NRXN3: variants seen among roughly 807,000 people sequenced by gnomAD.
NRXN3 encodes the protein neurexin 3, also known as neurexin III.
Under a neutral mutation model 137.6 loss-of-function variants are expected in NRXN3, and 32 were observed. The ratio of observed to expected loss-of-function variants is 0.23; its 90% confidence interval spans 0.18 to 0.31. The LOEUF (loss-of-function observed/expected upper bound fraction) is 0.31, where lower values mean the gene tolerates loss of function less well. Ranked by LOEUF, NRXN3 falls within the 10% of genes least tolerant of loss-of-function variation. The pLI is 1.00. For missense variants in NRXN3, 1,574 were observed against 2,062.5 expected (o/e 0.76, Z 4.59); for synonymous variants, 798 against 784.5 (o/e 1.02, Z -0.29).
At chr14:78,207,843 C>T (rs2062361574) in intron 1 of NRXN3, among the ~76,000 whole-genome samples, 1 of 152,166 alleles carries the variant, frequency 6.6e-6, no homozygotes, top group Non-Finnish European at 1.5e-5. Context: ...GTCTTCCTAC[C>T]ACCCATTCTT....
intron 4 of NRXN3, among the ~76,000 whole-genome samples, chr14:78,406,750 C>A (rs1477342180): frequency 6.6e-6 from 1 of 152,128 alleles, no homozygotes; most frequent in Non-Finnish European, 1.5e-5. Flanking sequence ...CCAAAACTAC[C>A]TTGCTGCATG....
intron 15 of NRXN3, among the ~76,000 whole-genome samples, chr14:79,092,314 T>C (rs1476978812): frequency 6.6e-6 from 1 of 152,202 alleles, no homozygotes; most frequent in Non-Finnish European, 1.5e-5. Flanking sequence ...ACATGATTAA[T>C]ACATGCTATT....
Position 79,643,229 on chromosome 14 carries a change from T to A in NRXN3, c.3445-20549T>A, listed in dbSNP as rs571778560. Among the ~76,000 whole-genome samples, 53 of 136,056 alleles carry A rather than the reference T, an allele frequency of 3.9e-4. 4 individuals carry two copies. Among genetic ancestry groups the A allele is most frequent in the African/African-American group, 1.2e-3 (50 of 40,904 alleles). The allele number at this position is 136,056 out of a possible 152,430, so 89.3% of individuals were successfully genotyped here. A position where few individuals can be genotyped will look rare whatever the true frequency, so the allele number is the denominator to read the frequency against. On this transcript the variant is annotated intron_variant, in intron 16 of 20. Coordinates refer to ENST00000335750, the MANE Select transcript of NRXN3 (RefSeq NM_001330195.2). ...CTAAAAATTATCCAATAGTGTTTTTTAAAATATATATCAAATTATGCTATC... is the reference window on the plus strand; with the variant it reads ...CTAAAAATTATCCAATAGTGTTTTTAAAAATATATATCAAATTATGCTATC...
chr14:78,423,779 G>A (rs2093553295), intron 4 of NRXN3, among the ~76,000 whole-genome samples: 1 of 152,200 alleles, frequency 6.6e-6, no homozygotes, highest in Admixed American at 6.5e-5. Flanking sequence ...CATTTATTAA[G>A]TGTCCTTTAA....
At chr14:78,912,064 TC>T (rs1320695348) in intron 10 of NRXN3, among the ~76,000 whole-genome samples, 2 of 151,426 alleles carry the variant, frequency 1.3e-5, no homozygotes, top group Non-Finnish European at 2.9e-5. Context: ...ATGCTATCCC[TC>T]CCCCTGCCCC....
At chr14:79,084,139 C>T (rs1466341957) in intron 15 of NRXN3, among the ~76,000 whole-genome samples, 1 of 151,908 alleles carries the variant, frequency 6.6e-6, no homozygotes, top group Admixed American at 6.6e-5. Context: ...GTCTCAAACT[C>T]CTGGCCTTAA....
chr14:79,262,842 A>G (rs2077842987), intron 15 of NRXN3, among the ~76,000 whole-genome samples: 1 of 152,152 alleles, frequency 6.6e-6, no homozygotes, highest in Non-Finnish European at 1.5e-5. Context: ...GGATAGCAAC[A>G]CTGATAGGTA....
At chr14:79,140,506 A>G (rs1036765499) in intron 15 of NRXN3, among the ~76,000 whole-genome samples, 3 of 151,980 alleles carry the variant, frequency 2.0e-5, no homozygotes, top group Admixed American at 6.6e-5. Flanking sequence ...TCCTGAGTAT[A>G]AGTGGATAAT....
At chr14:78,664,000 T>C (rs770503356) in intron 6 of NRXN3, among the ~76,000 whole-genome samples, 4 of 152,254 alleles carry the variant, frequency 2.6e-5, no homozygotes, top group Non-Finnish European at 5.9e-5. Flanking sequence ...TTGTGTTCTG[T>C]TCCTCATGTG....
intron 16 of NRXN3, among the ~76,000 whole-genome samples, chr14:79,583,685 TA>T (rs1287883406): frequency 6.6e-6 from 1 of 152,134 alleles, no homozygotes; most frequent in East Asian, 1.9e-4. Context: ...CTAAAATTAT[TA>T]AAAACTGTTT....
chr14:79,507,879 A>T (rs111286065), intron 16 of NRXN3, among the ~76,000 whole-genome samples: 2 of 151,942 alleles, frequency 1.3e-5, no homozygotes, highest in Non-Finnish European at 2.9e-5. Flanking sequence ...ACCTCTTTTG[A>T]CTCTTTGCAA....
intron 14 of NRXN3, among the ~76,000 whole-genome samples, chr14:78,970,309 T>C (rs1337168051): frequency 1.3e-5 from 2 of 152,238 alleles, no homozygotes; most frequent in Non-Finnish European, 2.9e-5. Context: ...AGGTCAAATT[T>C]ATTTTAATTT....
chr14:78,666,794 T>G (rs2097890652), intron 6 of NRXN3, among the ~76,000 whole-genome samples: 1 of 152,126 alleles, frequency 6.6e-6, no homozygotes. Flanking sequence ...CATGCTGCAT[T>G]CTGCCCCGTT....
chr14:78,641,510 G>A (rs1402160688), intron 4 of NRXN3, among the ~76,000 whole-genome samples: 1 of 152,134 alleles, frequency 6.6e-6, no homozygotes, highest in Non-Finnish European at 1.5e-5. Context: ...CATTGCTAGT[G>A]CCTCTTACCC....
chr14:79,336,921 C>T (rs547691646), intron 15 of NRXN3, among the ~76,000 whole-genome samples: 2 of 152,276 alleles, frequency 1.3e-5, no homozygotes, highest in African/African-American at 4.8e-5. Flanking sequence ...TATAAATGTT[C>T]ACATAACACT....
chr14:79,292,981 G>C (rs1566697319), intron 15 of NRXN3, among the ~76,000 whole-genome samples: 1 of 152,126 alleles, frequency 6.6e-6, no homozygotes, highest in Non-Finnish European at 1.5e-5. Flanking sequence ...CTCAGGAGAG[G>C]ATAGCTTTTA....
chr14:79,467,153 A>G, intron 15 of NRXN3, 68 bp from the exon 16 acceptor site: 10 of 1,476,838 alleles, frequency 6.8e-6, no homozygotes, highest in Non-Finnish European at 9.3e-6. Flanking sequence ...TAGGGTCTCA[A>G]CAGTGTGCTA....
chr14:78,283,495 A>G (rs2074707469), intron 3 of NRXN3: 1 of 151,462 alleles, frequency 6.6e-6, no homozygotes, highest in African/African-American at 2.4e-5. Flanking sequence ...TCCTTTATGC[A>G]TTGTCTCTGG....
At chr14:78,403,304 G>A (rs984254882) in intron 4 of NRXN3, among the ~76,000 whole-genome samples, 1 of 152,178 alleles carries the variant, frequency 6.6e-6, no homozygotes, top group African/African-American at 2.4e-5. Flanking sequence ...TAGCAACTTA[G>A]CTTCAAAATG....
Sources: allele counts gnomAD v4.1 joint callset (sites outside exome capture counted in the v4.1 genomes callset), GRCh38; gene constraint gnomAD v4.1.1; transcripts MANE v1.5; gene names NCBI Gene and HGNC (gene_info 2026-07-23, HGNC 2026-07-21).